Variants in TMEM132D observed in about 807,000 individuals in gnomAD.
TMEM132D encodes mature OL transmembrane protein.
In TMEM132D, 21 loss-of-function variants were observed where a neutral mutation model predicts 62.3. The observed-to-expected ratio is 0.34, with a 90% confidence interval of 0.24 to 0.49. The LOEUF (loss-of-function observed/expected upper bound fraction) is 0.49, where lower values mean the gene tolerates loss of function less well. Ranked by LOEUF, TMEM132D falls within the 20% of genes least tolerant of loss-of-function variation. The pLI, the probability that TMEM132D is intolerant of heterozygous loss-of-function variation, is 0.99. For synonymous variants in TMEM132D, 621 were observed against 575.6 expected, an observed-to-expected ratio of 1.08 and a Z score of -1.13; for missense variants, 1,346 against 1,402.8, an observed-to-expected ratio of 0.96 and a Z score of 0.65.
intron 2 of TMEM132D, among the ~76,000 whole-genome samples, chr12:129,554,176 C>A (rs1876985958): frequency 6.6e-6 from 1 of 152,172 alleles, no homozygotes; most frequent in South Asian, 2.1e-4. Context: ...CATCATCACA[C>A]CACTCTTTGG....
intron 2 of TMEM132D, among the ~76,000 whole-genome samples, chr12:129,666,645 G>A (rs654293): frequency 1.3e-5 from 2 of 151,982 alleles, no homozygotes; most frequent in Admixed American, 6.6e-5. Flanking sequence ...GGATAGCCAC[G>A]CCCGTAGCTA....
At chr12:129,116,422 C>T (rs927830991) in intron 5 of TMEM132D, among the ~76,000 whole-genome samples, 3 of 151,910 alleles carry the variant, frequency 2.0e-5, no homozygotes, top group Non-Finnish European at 1.5e-5. Flanking sequence ...TAAAAGCAAA[C>T]GTTTAGAAAG....
chr12:129,583,807 T>A (rs1166207390), intron 2 of TMEM132D, among the ~76,000 whole-genome samples: 4 of 152,218 alleles, frequency 2.6e-5, no homozygotes, highest in Non-Finnish European at 5.9e-5. Flanking sequence ...TGTAGCAGCT[T>A]CATAGGCTGT....
At chr12:129,678,131 T>A (rs1269170934) in intron 2 of TMEM132D, among the ~76,000 whole-genome samples, 1 of 152,030 alleles carries the variant, frequency 6.6e-6, no homozygotes. Context: ...CTTCTACGAA[T>A]ATTTAAGTAT....
At chr12:129,724,146 G>C (rs953519292) in intron 1 of TMEM132D, among the ~76,000 whole-genome samples, 1 of 152,144 alleles carries the variant, frequency 6.6e-6, no homozygotes, top group Non-Finnish European at 1.5e-5. Context: ...AAGACAGCGG[G>C]GGCTTCATCA....
intron 3 of TMEM132D, among the ~76,000 whole-genome samples, chr12:129,386,833 A>G (rs921077300): frequency 7.9e-5 from 12 of 151,972 alleles, no homozygotes; most frequent in African/African-American, 2.9e-4. Flanking sequence ...TGCCAACACT[A>G]TCACTAACAC....
intron 5 of TMEM132D, among the ~76,000 whole-genome samples, chr12:129,183,575 C>A (rs901397198): frequency 1.2e-4 from 19 of 152,226 alleles, no homozygotes; most frequent in African/African-American, 4.3e-4. Context: ...GGTCTTTCAG[C>A]CACACGGGAC....
intron 1 of TMEM132D, among the ~76,000 whole-genome samples, chr12:129,842,454 CT>C (rs71085579): frequency 0.28 from 42,197 of 148,958 alleles, 6,053 homozygotes; most frequent in East Asian, 0.59. Context: ...AGAAATATTT[CT>C]TTTTTTTTTG....
At chr12:129,312,788 C>CTATA (rs2135636656) in intron 4 of TMEM132D, among the ~76,000 whole-genome samples, 1 of 152,204 alleles carries the variant, frequency 6.6e-6, no homozygotes, top group Admixed American at 6.5e-5. Flanking sequence ...CCCTCCATCC[C>CTATA]CAAAGGACAT....
At chr12:129,637,603 G>A (rs970435584) in intron 2 of TMEM132D, among the ~76,000 whole-genome samples, 1 of 152,102 alleles carries the variant, frequency 6.6e-6, no homozygotes, top group Non-Finnish European at 1.5e-5. Flanking sequence ...CTTCCACCAT[G>A]AGTAAAAGCT....
chr12:129,387,973 C>T (rs1392026233), intron 3 of TMEM132D, among the ~76,000 whole-genome samples: 2 of 83,662 alleles, frequency 2.4e-5, no homozygotes, highest in Non-Finnish European at 5.1e-5. Context: ...AATATGAACA[C>T]TAACACGAAT....
intron 1 of TMEM132D, among the ~76,000 whole-genome samples, chr12:129,889,446 T>C (rs1874852688): frequency 6.6e-6 from 1 of 152,162 alleles, no homozygotes; most frequent in South Asian, 2.1e-4. Context: ...GAACAACAAA[T>C]GAACCTTTCC....
chr12:129,811,446 C>A (rs1264296510), intron 1 of TMEM132D, among the ~76,000 whole-genome samples: 1 of 151,642 alleles, frequency 6.6e-6, no homozygotes, highest in African/African-American at 2.4e-5. Context: ...ACCACATTCT[C>A]AGGGACCTCA....
Position 129,603,411 on chromosome 12 carries a change from T to C in TMEM132D, c.969-72206A>G, listed in dbSNP as rs923575982. 2.6e-5 allele frequency among the ~76,000 whole-genome samples: 4 copies of C among 152,368 alleles called. No individual in the cohort carries two copies. In the East Asian group the frequency reaches 7.7e-4, roughly 29 times the overall value. ...AAATCTTACAGCATGTAGTCTTTTC[T>C]AATGGCCTTCTTTCCCTTGGTACAT... On this transcript the variant is annotated intron_variant, in intron 2 of 8. Coordinates refer to ENST00000422113, the MANE Select transcript of TMEM132D (RefSeq NM_133448.3).
chr12:129,561,470 GT>G (rs2137113472), intron 2 of TMEM132D, among the ~76,000 whole-genome samples: 1 of 152,280 alleles, frequency 6.6e-6, no homozygotes, highest in Non-Finnish European at 1.5e-5. Context: ...GTTTCTTCAT[GT>G]CACACTAATA....
At chr12:129,449,846 T>A (rs1427361766) in intron 3 of TMEM132D, among the ~76,000 whole-genome samples, 1 of 152,236 alleles carries the variant, frequency 6.6e-6, no homozygotes, top group Admixed American at 6.5e-5. Context: ...TGGTGCTGGA[T>A]GACATATGGA....
At chr12:129,532,491 CCTAACA>C (rs1314981070) in intron 2 of TMEM132D, among the ~76,000 whole-genome samples, 2 of 152,160 alleles carry the variant, frequency 1.3e-5, no homozygotes, top group East Asian at 3.9e-4. Context: ...CACGTCTGTC[CCTAACA>C]CCAACAACGC....
chr12:129,153,014 C>G (rs1555233122), intron 5 of TMEM132D, among the ~76,000 whole-genome samples: 1 of 152,194 alleles, frequency 6.6e-6, no homozygotes, highest in African/African-American at 2.4e-5. Flanking sequence ...GGCAACACCA[C>G]CTCCTCCCTT....
chr12:129,486,631 C>G (rs7488352), intron 3 of TMEM132D, among the ~76,000 whole-genome samples: 50,562 of 152,064 alleles, frequency 0.33, 9,406 homozygotes, highest in African/African-American at 0.5. Context: ...ATCATACACC[C>G]TAAGTCATAC....
Sources: allele counts gnomAD v4.1 joint callset (sites outside exome capture counted in the v4.1 genomes callset), GRCh38; gene constraint gnomAD v4.1.1; transcripts MANE v1.5; gene names NCBI Gene and HGNC (gene_info 2026-07-23, HGNC 2026-07-21).